MANBA: variants seen among roughly 807,000 people sequenced by gnomAD.
The protein encoded by MANBA is mannosidase beta.
A neutral mutation model predicts 111.1 loss-of-function variants in MANBA; 83 were observed. The ratio of observed to expected loss-of-function variants is 0.75; its 90% CI spans 0.63 to 0.90. The LOEUF (loss-of-function observed/expected upper bound fraction) is 0.90, where lower values mean the gene tolerates loss of function less well. Ranked by LOEUF, MANBA falls within the 40% of genes least tolerant of loss-of-function variation. The probability of loss-of-function intolerance (pLI) is 0.00; values close to 1 mark genes in which losing one functional copy is unlikely to be tolerated. For missense variants in MANBA, 1,036 were observed against 1,069.0 expected, an observed-to-expected ratio of 0.97 and a Z score of 0.43; for synonymous variants, 370 against 378.7, an observed-to-expected ratio of 0.98 and a Z score of 0.27.
At chr4:102,757,418 A>G (rs1724069870) in intron 1 of MANBA, among the ~76,000 whole-genome samples, 1 of 152,210 alleles carries the variant, frequency 6.6e-6, no homozygotes, top group Non-Finnish European at 1.5e-5. Flanking sequence ...GATTCTGTAC[A>G]GAAAACCCAG....
intron 14 of MANBA, among the ~76,000 whole-genome samples, chr4:102,637,676 C>A (rs6834176): frequency 0.23 from 35,165 of 152,110 alleles, 4,736 homozygotes; most frequent in African/African-American, 0.36. Context: ...GGGTGGCACA[C>A]CCCAGCCTCA....
intron 4 of MANBA, among the ~76,000 whole-genome samples, chr4:102,718,310 T>A (rs1175546064): frequency 1.3e-5 from 2 of 152,148 alleles, no homozygotes; most frequent in Non-Finnish European, 2.9e-5. Context: ...TAAATAAGCA[T>A]CTGAATGTAA....
intron 1 of MANBA, among the ~76,000 whole-genome samples, chr4:102,747,070 T>G (rs946027457): frequency 6.6e-6 from 1 of 151,718 alleles, no homozygotes; most frequent in Non-Finnish European, 1.5e-5. Flanking sequence ...ATAAAAGAAC[T>G]CCATCCTTAA....
intron 5 of MANBA, among the ~76,000 whole-genome samples, chr4:102,710,132 T>A (rs985714163): frequency 6.6e-6 from 1 of 151,944 alleles, no homozygotes; most frequent in Non-Finnish European, 1.5e-5. Context: ...ACCACTCCTA[T>A]CCAATAAAAT....
chr4:102,641,789 T>TA (rs1729889552), intron 13 of MANBA, among the ~76,000 whole-genome samples: 1 of 152,100 alleles, frequency 6.6e-6, no homozygotes, highest in Admixed American at 6.5e-5. Flanking sequence ...GTTTAATAGG[T>TA]AAAACTTATT....
intron 5 of MANBA, among the ~76,000 whole-genome samples, chr4:102,693,534 A>G (rs1732577247): frequency 6.6e-6 from 1 of 152,138 alleles, no homozygotes; most frequent in Non-Finnish European, 1.5e-5. Context: ...TGGAAACCAA[A>G]TGGGCCAACA....
At chr4:102,737,970 C>G (rs1294356381) in intron 1 of MANBA, among the ~76,000 whole-genome samples, 1 of 152,146 alleles carries the variant, frequency 6.6e-6, no homozygotes, top group African/African-American at 2.4e-5. Flanking sequence ...CTCTACCAGA[C>G]CTGGTCGCCA....
At chr4:102,705,489 C>G (rs1291419513) in intron 5 of MANBA, among the ~76,000 whole-genome samples, 2 of 152,158 alleles carry the variant, frequency 1.3e-5, no homozygotes, top group Non-Finnish European at 2.9e-5. Flanking sequence ...TGAAGCAACT[C>G]CACCCCCTCA....
At chr4:102,663,668 A>G (rs1731070173) in intron 11 of MANBA, among the ~76,000 whole-genome samples, 1 of 152,216 alleles carries the variant, frequency 6.6e-6, no homozygotes, top group Non-Finnish European at 1.5e-5. Flanking sequence ...ATCACATACT[A>G]TTTTAAAAAA....
chr4:102,737,410 G>C (rs955159353), intron 1 of MANBA, among the ~76,000 whole-genome samples: 7 of 152,266 alleles, frequency 4.6e-5, no homozygotes, highest in South Asian at 2.1e-4. Context: ...GTGCTGTTGG[G>C]GGGGCACAGT....
chr4:102,668,817 A>G, intron 10 of MANBA, 146 bp downstream of exon 10: 4 of 685,858 alleles, frequency 5.8e-6, no homozygotes, highest in Non-Finnish European at 1.1e-5. Context: ...CACTGGGTAC[A>G]ATCACCTAGG....
intron 5 of MANBA, among the ~76,000 whole-genome samples, chr4:102,712,210 A>T (rs941166150): frequency 4.6e-5 from 7 of 152,212 alleles, no homozygotes; most frequent in Non-Finnish European, 8.8e-5. Flanking sequence ...GTGTCAATTT[A>T]AAAAATGTAT....
At chr4:102,700,045 T>A (rs1483414468) in intron 5 of MANBA, among the ~76,000 whole-genome samples, 14 of 150,802 alleles carry the variant, frequency 9.3e-5, no homozygotes, top group African/African-American at 2.4e-4. Flanking sequence ...ATCCTGTTAT[T>A]GGTCTATTCA....
intron 7 of MANBA, among the ~76,000 whole-genome samples, chr4:102,689,358 A>T (rs898065615): frequency 2.1e-4 from 19 of 90,988 alleles, no homozygotes; most frequent in Non-Finnish European, 3.4e-4. Flanking sequence ...CAAAAAAAAA[A>T]AATATATATA....
At chr4:102,698,549 G>A (rs1475373675) in intron 5 of MANBA, among the ~76,000 whole-genome samples, 18 of 147,564 alleles carry the variant, frequency 1.2e-4, no homozygotes, top group Admixed American at 1.2e-3. Context: ...TGTAAGGAAG[G>A]GATCCAGTTT....
At position 102,743,492 on chromosome 4, in the gene MANBA, C is replaced by T. The variant is rs28868418; in HGVS notation, c.178-16809G>A. Among the ~76,000 whole-genome samples the T allele has an allele frequency of 5.3e-3, 810 of 152,258 alleles. 6 individuals carry two copies. The highest frequency in any genetic ancestry group is 0.019 in the African/African-American group (778 of 41,548). On this transcript the variant is annotated intron_variant, in intron 1 of 16. Transcript: ENST00000647097. ...CGTGCAGAACCATCTATAAACCAGGCCCTAGTCTTCTCTTCCTCTGTCAAC... is the reference window on the plus strand; with the variant it reads ...CGTGCAGAACCATCTATAAACCAGGTCCTAGTCTTCTCTTCCTCTGTCAAC...
At position 102,760,965 on chromosome 4, in the gene MANBA, A is replaced by T; in HGVS notation, c.-71T>A. The stretch of plus-strand genomic sequence containing the variant: ...GCTGCAAGGGACCGGCGGTGAAGCC[A>T]CTCACCCCCTCGGAAGTAGCCGAGG... On this transcript the variant is annotated 5_prime_UTR_variant, in exon 1 of 17. Coordinates refer to ENST00000647097, the MANE Select transcript of MANBA (RefSeq NM_005908.4). The T allele has an allele frequency of 1.4e-6, 2 of 1,419,288 alleles. No homozygotes were observed. Among genetic ancestry groups the T allele is most frequent in the South Asian group, 2.5e-5 (2 of 81,544 alleles). 87.9% of individuals were successfully genotyped at this position (1,419,288 alleles called of 1,614,324 possible). A position where few individuals can be genotyped will look rare whatever the true frequency, so the allele number is the denominator to read the frequency against.
rs201631537 is a variant in MANBA, at chr4:102,718,905, CAG to C, written c.549+3964_549+3965del. ...TTTAACAGGGGAGGGGGTGTACAAA[CAG>C]GGAGTAAGTCACAAAGATCACATGC... On this transcript the variant is annotated intron_variant, in intron 4 of 16. Coordinates refer to ENST00000647097, the MANE Select transcript of MANBA (RefSeq NM_005908.4). 4.5e-3 allele frequency among the ~76,000 whole-genome samples: 679 copies of C among 152,212 alleles called. 8 individuals are homozygous for C. Among genetic ancestry groups the C allele is most frequent in the African/African-American group, 0.016 (657 of 41,532 alleles).
chr4:102,743,162 T>G (rs1723469626), intron 1 of MANBA, among the ~76,000 whole-genome samples: 1 of 152,244 alleles, frequency 6.6e-6, no homozygotes, highest in Non-Finnish European at 1.5e-5. Context: ...TACAAATATC[T>G]TCATAGTTTT....
Sources: gnomAD v4.1 joint callset for allele counts (sites outside exome capture counted in the v4.1 genomes callset) on GRCh38, gnomAD v4.1.1 for gene constraint, MANE v1.5 for transcripts, NCBI Gene and HGNC (gene_info 2026-07-23, HGNC 2026-07-21) for gene names.